The following DNAH2 variants were observed in gnomAD, a reference collection of about 807,000 sequenced individuals.
DNAH2 encodes axonemal beta dynein heavy chain 2.
Under a neutral mutation model 523.5 loss-of-function variants are expected in DNAH2, and 323 were observed. The ratio of observed to expected loss-of-function variants is 0.62; its 90% CI spans 0.56 to 0.68. The LOEUF is 0.68. Among genes scored for constraint, DNAH2 ranks in the 30% least tolerant of loss-of-function variants. DNAH2 has a pLI of 0.00. For synonymous variants in DNAH2, 2,093 were observed against 2,177.4 expected, an observed-to-expected ratio of 0.96 and a Z score of 1.08; for missense variants, 4,907 against 5,701.5, an observed-to-expected ratio of 0.86 and a Z score of 4.49.
chr17:7,799,373 T>C, intron 56 of DNAH2, 131 bp downstream of exon 56: 1 of 1,311,854 alleles, frequency 7.6e-7, no homozygotes, highest in Non-Finnish European at 1.0e-6. Flanking sequence ...CCATCTCCTT[T>C]CCTTAGGCTG....
chr17:7,819,136 C>T, intron 71 of DNAH2, 73 bp downstream of exon 71: 1 of 1,603,722 alleles, frequency 6.2e-7, no homozygotes, highest in Non-Finnish European at 8.5e-7. Context: ...CGGCTCGAGA[C>T]CCCTCCTTCC....
intron 27 of DNAH2, 72 bp downstream of exon 27, chr17:7,771,005 G>T (rs759474980): frequency 4.5e-6 from 7 of 1,547,548 alleles, no homozygotes; most frequent in South Asian, 3.7e-5. Flanking sequence ...CCTAGATTTT[G>T]CCCTGTTATC....
chr17:7,806,106 TTC>T (rs1309595363), intron 61 of DNAH2, among the ~76,000 whole-genome samples: 50 of 152,334 alleles, frequency 3.3e-4, no homozygotes, highest in African/African-American at 1.2e-3. Flanking sequence ...CATACAATCA[TTC>T]TGTTTTTCAC....
chr17:7,721,577 T>C (rs948846568), intron 2 of DNAH2, among the ~76,000 whole-genome samples: 3 of 152,150 alleles, frequency 2.0e-5, no homozygotes, highest in Non-Finnish European at 4.4e-5. Flanking sequence ...GAATCGCCTG[T>C]TCCATCTTTT....
chr17:7,788,131 A>G lies in DNAH2; in HGVS notation c.6787A>G (p.Lys2263Glu), dbSNP rs749253272. Residue 2263 changes from lysine to glutamate, a missense_variant, in exon 44 of 86, where the codon AAG becomes GAG. By Grantham distance (56) the Lys-to-Glu change is moderately conservative. Around this residue, in one of 3 missense-constraint regions of DNAH2, gnomAD observed 2,806 missense variants for 3,190.8 expected, o/e 0.88. Transcript: ENST00000572933. ...ACGCATGTTCGAAAAGCTCATCAAC[A>G]AGATGCTGGCCTTTAAGAAGGACAA... is the stretch of plus-strand genomic sequence containing the variant. ...LQRMFEKLIN[K>E]MLAFKKDNCK... The G allele has an allele frequency of 1.6e-5, 26 of 1,614,090 alleles. No individual in the cohort carries two copies. Among genetic ancestry groups the G allele is most frequent in the South Asian group, 5.5e-5 (5 of 91,090 alleles).
rs372974924 is a variant in DNAH2 at position 7,770,367 on chromosome 17, G to A, written c.4057G>A (p.Glu1353Lys). The A allele has an allele frequency of 1.2e-6, 2 of 1,613,974 alleles. No homozygotes were observed. Among genetic ancestry groups the A allele is most frequent in the Non-Finnish European group, 1.7e-6 (2 of 1,179,992 alleles). Residue 1353 changes from glutamate (E) to lysine (K), a missense_variant, in exon 25 of 86, where the codon GAG becomes AAG. Physicochemically the swap from Glu to Lys is moderately conservative, Grantham distance 56. Coordinates refer to ENST00000572933, the MANE Select transcript of DNAH2 (RefSeq NM_020877.5). Reference sequence around the variant, plus strand: ...GGATCAGCATGTGGAGAAAATTGGGGAGATCTCTGCTTCAGCAACTAAAGA... The same window carrying A: ...GGATCAGCATGTGGAGAAAATTGGGAAGATCTCTGCTTCAGCAACTAAAGA... ...GMDQHVEKIG[E>K]ISASATKELA...
At position 7,792,740 on chromosome 17, in the gene DNAH2, A is replaced by G. The variant is rs767939337; in HGVS notation, c.7229A>G (p.Asn2410Ser). ...GTGAGCAGCTTGGTGGCCAACCAGA[A>G]TCCCATTCTGCTGGTGGGTCCCGTG... Reference protein sequence around the residue: ...YLVSSLVANQNPILLVGPVGT... With the variant: ...YLVSSLVANQSPILLVGPVGT... The change falls in exon 47 of 86, where the codon AAT (asparagine) becomes AGT (serine). Residue 2410 changes from asparagine to serine, a missense_variant. This residue lies in a region of DNAH2 where 2,806 missense variants were observed against 3,190.8 expected (regional missense o/e 0.88). Transcript: ENST00000572933. 43 of 1,614,014 alleles carry G rather than the reference A, an allele frequency of 2.7e-5. No individual in the cohort carries two copies. The East Asian group carries it at 8.9e-4, about 33-fold the overall frequency.
At chr17:7,739,656 T>C (rs2075248587) in intron 8 of DNAH2, 77 bp from the exon 9 acceptor site, 1 of 1,353,540 alleles carries the variant, frequency 7.4e-7, no homozygotes, top group Non-Finnish European at 1.0e-6. Context: ...TTTTAGACAT[T>C]TGAAGCTAAA....
chr17:7,740,135 C>T lies in DNAH2; in HGVS notation c.1376+197C>T, dbSNP rs544031081. ...TTGGGTTGAGGGTTCCAGAGTGAGCCTTTCCGGACTTGGATCTTGGTTCTG... is the reference window on the plus strand; with the variant it reads ...TTGGGTTGAGGGTTCCAGAGTGAGCTTTTCCGGACTTGGATCTTGGTTCTG... On this transcript the variant is annotated intron_variant, in intron 9 of 85. Transcript: ENST00000572933. Among the ~76,000 whole-genome samples, 68 of 151,782 alleles carry T rather than the reference C, an allele frequency of 4.5e-4. 1 individual carries two copies. The highest frequency in any genetic ancestry group is 2.9e-4 in the Non-Finnish European group (20 of 67,946).
At chr17:7,733,475 C>CTTTTTTTTTTTTTTTTTTT (rs1199721840) in intron 5 of DNAH2, among the ~76,000 whole-genome samples, 160 bp downstream of exon 5, 24 of 113,866 alleles carry the variant, frequency 2.1e-4, no homozygotes, top group African/African-American at 3.6e-4. Context: ...CCTTCTTCTT[C>CTTTTTTTTTTTTTTTTTTT]TTTTTTTTTT....
rs148252521 is a variant in DNAH2, at chr17:7,789,726, G to T, written c.6900+1482G>T. On this transcript the variant is annotated intron_variant, in intron 44 of 85. Coordinates refer to ENST00000572933, the MANE Select transcript of DNAH2 (RefSeq NM_020877.5). Reference sequence around the variant, plus strand: ...TGAGTAGCTGGGACTACAGGTGCCTGCCACCACACCCAGCTAATTTTTTGT... The same window carrying T: ...TGAGTAGCTGGGACTACAGGTGCCTTCCACCACACCCAGCTAATTTTTTGT... 6.9e-3 allele frequency among the ~76,000 whole-genome samples: 1,054 copies of T among 152,072 alleles called. 9 individuals carry two copies. Among genetic ancestry groups the T allele is most frequent in the South Asian group, 0.023 (112 of 4,810 alleles).
rs1352723304 is a variant in DNAH2, at chr17:7,758,512, C to T, written c.2069C>T (p.Ser690Phe). The T allele has an allele frequency of 6.2e-7, 1 of 1,613,944 alleles. No individual in the cohort carries two copies. Among genetic ancestry groups the T allele is most frequent in the South Asian group, 1.1e-5 (1 of 91,016 alleles). The change falls in exon 14 of 86, where the codon TCC (serine) becomes TTC (phenylalanine). Residue 690 changes from serine (S) to phenylalanine (F), a missense_variant. This residue lies in a region of DNAH2 where 2,806 missense variants were observed against 3,190.8 expected (regional missense o/e 0.88). Transcript: ENST00000572933. ...ATGCACAGGATTATTGCCATGCTGT[C>T]CCCAGATGAGCAGGCCCTATTCAAA... The part of the protein sequence containing the change: ...RDYNRIIAML[S>F]PDEQALFKER...
Position 7,768,247 on chromosome 17 carries a change from G to T in DNAH2, c.3921G>T (p.Arg1307=), listed in dbSNP as rs777920509. The change falls in exon 24 of 86, where the codon CGG becomes CGT. Residue 1307 remains arginine, a synonymous_variant. Transcript: ENST00000572933. ...CCATGCCTCTCATCTCAGACCTGCG[G>T]AACCCTGCCCTTAGAGAGAGGTGAG... ...KRTMPLISDL[R]NPALRERHWD... is the part of the protein sequence containing the mutation. 6.2e-7 allele frequency: 1 copy of T among 1,614,166 alleles called. No homozygotes were observed. Among genetic ancestry groups the T allele is most frequent in the East Asian group, 2.2e-5 (1 of 44,868 alleles).
chr17:7,731,079 T>C (rs987150681), intron 4 of DNAH2, among the ~76,000 whole-genome samples: 1 of 151,808 alleles, frequency 6.6e-6, no homozygotes, highest in African/African-American at 2.4e-5. Flanking sequence ...GATCACGCCA[T>C]TGCACTCAAG....
At chr17:7,799,268 A>G in intron 56 of DNAH2, 26 bp downstream of exon 56, 1 of 1,611,408 alleles carries the variant, frequency 6.2e-7, no homozygotes, top group Non-Finnish European at 8.5e-7. Flanking sequence ...TCCTTCTCTC[A>G]GCCCCTTCTG....
At chr17:7,762,990 T>A (rs1418231910) in intron 18 of DNAH2, among the ~76,000 whole-genome samples, 5 of 151,222 alleles carry the variant, frequency 3.3e-5, no homozygotes, top group Non-Finnish European at 7.4e-5. Context: ...TTTTTTTTTT[T>A]ATTGAGACAG....
chr17:7,778,008 C>T (rs1309083246), intron 33 of DNAH2, 69 bp from the exon 34 acceptor site: 3 of 1,392,872 alleles, frequency 2.2e-6, no homozygotes, highest in Non-Finnish European at 3.1e-6. Context: ...GCCCCACTCT[C>T]AGTCATTGTC....
Position 7,807,265 on chromosome 17 carries a change from C to T in DNAH2, c.9558C>T (p.Ile3186=), listed in dbSNP as rs375844935. 32 of 1,613,814 alleles carry T rather than the reference C, an allele frequency of 2.0e-5. No homozygotes were observed. Among genetic ancestry groups the T allele is most frequent in the Middle Eastern group, 1.7e-4 (1 of 6,046 alleles). ...AGCCTGACTTCCAGCCTGATATCATCGGCCGCGTCTCCCTGGCTGCCAAGT... is the reference window on the plus strand; with the variant it reads ...AGCCTGACTTCCAGCCTGATATCATTGGCCGCGTCTCCCTGGCTGCCAAGT... ...CAQPDFQPDI[I]GRVSLAAKSL... The change falls in exon 62 of 86, where the codon ATC becomes ATT. Residue 3186 remains isoleucine, a synonymous_variant. Coordinates refer to ENST00000572933, the MANE Select transcript of DNAH2 (RefSeq NM_020877.5). This position sits in a 1 kb window ranked among gnomAD's most constrained non-coding sequence, Gnocchi z 5.6.
chr17:7,830,178 C>T (rs1225103784), intron 77 of DNAH2, 122 bp from the exon 78 acceptor site: 22 of 1,025,758 alleles, frequency 2.1e-5, no homozygotes, highest in Non-Finnish European at 3.1e-5. Context: ...TTTCAGCCTC[C>T]ACTCACCCTT....
Sources: gnomAD v4.1 joint callset for allele counts (sites outside exome capture counted in the v4.1 genomes callset) on GRCh38, gnomAD v4.1.1 for gene constraint, gnomAD v4.1.1 regional missense constraint, Gnocchi (gnomAD v3.1) non-coding constraint, MANE v1.5 for transcripts, NCBI Gene and HGNC (gene_info 2026-07-23, HGNC 2026-07-21) for gene names.